PPEF2: variants seen among roughly 807,000 people sequenced by gnomAD.
PPEF2 encodes the protein serine/threonine-protein phosphatase with EF-hands 2.
A neutral mutation model predicts 84.7 loss-of-function variants in PPEF2; 84 were observed. That is an observed-to-expected ratio of 0.99 (90% confidence interval 0.83 to 1.19). The LOEUF is 1.19. PPEF2 is among the 50% of genes most tolerant of loss of function. The probability of loss-of-function intolerance (pLI) is 0.00; values close to 1 mark genes in which losing one functional copy is unlikely to be tolerated. For missense variants in PPEF2, 924 were observed against 937.5 expected (o/e 0.99, Z 0.19); for synonymous variants, 346 against 345.2 (o/e 1.00, Z -0.03).
intron 2 of PPEF2, 132 bp from the exon 3 acceptor site, chr4:75,892,110 C>G: frequency 8.7e-7 from 1 of 1,152,884 alleles, no homozygotes; most frequent in South Asian, 1.6e-5. Context: ...AAGCACTACC[C>G]ATTGACGCCC....
chr4:75,864,342 G>A, intron 16 of PPEF2, 98 bp downstream of exon 16: 1 of 930,642 alleles, frequency 1.1e-6, no homozygotes, highest in Admixed American at 2.0e-5. Context: ...CCAAATGCCT[G>A]AGTGGAGATG....
chr4:75,887,396 C>A (rs1430558964), intron 6 of PPEF2, among the ~76,000 whole-genome samples: 1 of 151,902 alleles, frequency 6.6e-6, no homozygotes, highest in African/African-American at 2.4e-5. Flanking sequence ...CTGAGACGGG[C>A]GGATCACGAG....
intron 4 of PPEF2, among the ~76,000 whole-genome samples, chr4:75,890,456 T>A (rs2149227074): frequency 7.0e-6 from 1 of 143,308 alleles, no homozygotes; most frequent in Non-Finnish European, 1.5e-5. Flanking sequence ...ACTACTGCAC[T>A]CCAGCCTGAA....
rs752744269 is a variant in PPEF2, at chr4:75,866,355, A to G, written c.1757-3T>C. 8 of 1,612,646 alleles carry G rather than the reference A, an allele frequency of 5.0e-6. No individual in the cohort carries two copies. The East Asian group carries it at 1.8e-4, about 36-fold the overall frequency. ...CCAGTCACTCAAGGTGATTAAACCTACAGGTGAGAGCTAACCTGTTGCCTT... is the reference window on the plus strand; with the variant it reads ...CCAGTCACTCAAGGTGATTAAACCTGCAGGTGAGAGCTAACCTGTTGCCTT... On this transcript the variant is annotated splice_region_variant and splice_polypyrimidine_tract_variant and intron_variant, in intron 14 of 16. Transcript: ENST00000286719.
intron 7 of PPEF2, among the ~76,000 whole-genome samples, chr4:75,885,599 T>C (rs1370105929): frequency 2.0e-5 from 3 of 152,244 alleles, no homozygotes; most frequent in Non-Finnish European, 4.4e-5. Flanking sequence ...GCACAGTGGC[T>C]CACGCCTGTA....
intron 14 of PPEF2, 65 bp downstream of exon 14, chr4:75,867,248 G>C (rs1391951193): frequency 1.1e-5 from 14 of 1,275,356 alleles, no homozygotes; most frequent in Non-Finnish European, 1.6e-5. Context: ...TTGCTAACTA[G>C]TGTAAGACAG....
rs1269555594 is a variant in PPEF2 at position 75,867,418 on chromosome 4, T to A, written c.1651A>T (p.Ile551Phe). The A allele has an allele frequency of 6.2e-7, 1 of 1,610,562 alleles. No individual in the cohort carries two copies. The change falls in exon 14 of 17, where the codon ATT (isoleucine) becomes TTT (phenylalanine). Residue 551 changes from isoleucine to phenylalanine, a missense_variant and splice_region_variant. Physicochemically the swap from Ile to Phe is conservative, Grantham distance 21. Transcript: ENST00000286719. ...VTHTLTMRQR[I>F]SRVEESALRA... ...AGAGCCGACTCCTCCACTCTGCTAA[T>A]CCTGGGACAGGAGATGAAAAGCGAC...
chr4:75,872,242 A>G, intron 12 of PPEF2, 75 bp from the exon 13 acceptor site: 1 of 1,379,524 alleles, frequency 7.2e-7, no homozygotes, highest in Non-Finnish European at 9.8e-7. Context: ...ATGTGGCCCA[A>G]CTCAACTGCA....
chr4:75,871,808 A>C (rs907562481), intron 13 of PPEF2, among the ~76,000 whole-genome samples: 1 of 152,176 alleles, frequency 6.6e-6, no homozygotes, highest in Non-Finnish European at 1.5e-5. Context: ...TGTTGCTCCC[A>C]TTAATGATGG....
chr4:75,899,212 G>C (rs1725069507), intron 1 of PPEF2, among the ~76,000 whole-genome samples: 1 of 152,160 alleles, frequency 6.6e-6, no homozygotes, highest in South Asian at 2.1e-4. Context: ...TGGCTGAATA[G>C]TATTCCACTG....
chr4:75,876,168 G>T, intron 11 of PPEF2, 119 bp downstream of exon 11: 2 of 1,158,972 alleles, frequency 1.7e-6, no homozygotes, highest in Non-Finnish European at 2.3e-6. Context: ...TCCTTCTGGG[G>T]TGTTGTTACC....
chr4:75,866,331 CA>C lies in PPEF2; in HGVS notation c.1777del (p.Trp593GlyfsTer11). On this transcript the variant is annotated frameshift_variant, in exon 15 of 17. Transcript: ENST00000286719. LOFTEE classifies it high-confidence loss of function. ...CAACACAGACTCCACCGCTGCTGCCCAGTCACTCAAGGTGATTAAACCTACA... is the reference window on the plus strand; with the variant it reads ...CAACACAGACTCCACCGCTGCTGCCCGTCACTCAAGGTGATTAAACCTACA... ...DKVGLITLSD[W>X]AAAVESVLHL... 6.2e-7 allele frequency: 1 copy of C among 1,613,660 alleles called. No homozygotes were observed. The highest frequency in any genetic ancestry group is 8.5e-7 in the Non-Finnish European group (1 of 1,179,830).
At position 75,866,168 on chromosome 4, in the gene PPEF2, C is replaced by G. The variant is rs778606062; in HGVS notation, c.1920+21G>C. The G allele has an allele frequency of 4.4e-6, 7 of 1,593,360 alleles. No homozygotes were observed. The South Asian group carries it at 8.0e-5, about 18-fold the overall frequency. ...TATCATAGTCCACATGTGCTCTCATCCACCATTACCACACCGTTACCTCGC... is the reference window on the plus strand; with the variant it reads ...TATCATAGTCCACATGTGCTCTCATGCACCATTACCACACCGTTACCTCGC... On this transcript the variant is annotated intron_variant, in intron 15 of 16. Transcript: ENST00000286719.
intron 8 of PPEF2, among the ~76,000 whole-genome samples, 169 bp downstream of exon 8, chr4:75,884,424 CA>C (rs34238193): frequency 5.5e-5 from 8 of 144,268 alleles, no homozygotes; most frequent in African/African-American, 7.8e-5. Flanking sequence ...AGACTCTCTC[CA>C]AAAAAAAAAA....
chr4:75,868,183 G>A (rs1355934693), intron 13 of PPEF2, among the ~76,000 whole-genome samples: 2 of 151,258 alleles, frequency 1.3e-5, no homozygotes, highest in African/African-American at 4.9e-5. Context: ...AGGCGTGGTG[G>A]CGTGTCCCTG....
At chr4:75,886,352 A>T (rs774152332) in intron 7 of PPEF2, among the ~76,000 whole-genome samples, 1 of 152,132 alleles carries the variant, frequency 6.6e-6, no homozygotes, top group South Asian at 2.1e-4. Context: ...CGGTGCGGAG[A>T]GTCCCTCCTC....
chr4:75,891,727 C>T (rs148565560), intron 3 of PPEF2, 22 bp from the exon 4 acceptor site: 209 of 1,607,166 alleles, frequency 1.3e-4, no homozygotes, highest in Middle Eastern at 5.0e-4. Context: ...CCCAAGGAGA[C>T]GTGGCTTTAG....
intron 1 of PPEF2, 85 bp downstream of exon 1, chr4:75,902,145 C>T (rs1263940249): frequency 6.6e-6 from 1 of 152,220 alleles, no homozygotes; most frequent in Non-Finnish European, 1.5e-5. Context: ...CAAAACAACT[C>T]TGTATTTATT....
At chr4:75,868,364 G>A (rs542412168) in intron 13 of PPEF2, among the ~76,000 whole-genome samples, 20 of 145,540 alleles carry the variant, frequency 1.4e-4, no homozygotes, top group African/African-American at 5.0e-4. Flanking sequence ...GTAAGCATAC[G>A]TTACTTGTAA....
Sources: gnomAD v4.1 joint callset for allele counts (sites outside exome capture counted in the v4.1 genomes callset) on GRCh38, gnomAD v4.1.1 for gene constraint, MANE v1.5 for transcripts, NCBI Gene and HGNC (gene_info 2026-07-23, HGNC 2026-07-21) for gene names.